Variants in AGBL4 observed in about 807,000 individuals in gnomAD.
AGBL4 encodes the protein AGBL carboxypeptidase 4.
In AGBL4, 58 loss-of-function variants were observed where a neutral mutation model predicts 66.4. The observed-to-expected ratio is 0.87, with a 90% CI of 0.71 to 1.09. The LOEUF (loss-of-function observed/expected upper bound fraction) is 1.09. Ranked by LOEUF, AGBL4 falls within the 50% of genes least tolerant of loss-of-function variation. AGBL4 has a pLI of 0.00. For synonymous variants in AGBL4, 234 were observed against 222.9 expected (o/e 1.05, Z -0.44); for missense variants, 579 against 631.0 (o/e 0.92, Z 0.88).
intron 3 of AGBL4, among the ~76,000 whole-genome samples, chr1:49,266,608 A>AACACAC (rs71307610): frequency 0.14 from 20,252 of 149,640 alleles, 1,716 homozygotes; most frequent in African/African-American, 0.24. Context: ...ATAAACCTGT[A>AACACAC]ACACACACAC....
intron 5 of AGBL4, among the ~76,000 whole-genome samples, chr1:48,978,061 G>A (rs1659480883): frequency 6.6e-6 from 1 of 152,138 alleles, no homozygotes; most frequent in South Asian, 2.1e-4. Context: ...GGAACCTTGT[G>A]TCTTACTCTT....
chr1:49,547,244 A>C (rs1652564247), intron 3 of AGBL4, among the ~76,000 whole-genome samples: 1 of 152,164 alleles, frequency 6.6e-6, no homozygotes, highest in Non-Finnish European at 1.5e-5. Context: ...TACCAGCACT[A>C]TTTGTTGAAA....
intron 2 of AGBL4, among the ~76,000 whole-genome samples, chr1:49,823,778 A>ATGTGTGTGTGTGTGTGTGTGTG (rs10528873): frequency 6.1e-5 from 9 of 147,478 alleles, no homozygotes; most frequent in African/African-American, 2.3e-4. Flanking sequence ...AGGCTGCATA[A>ATGTGTGTGTGTGTGTGTGTGTG]TGTGTGTGTG....
At chr1:48,944,567 T>C (rs190340126) in intron 5 of AGBL4, among the ~76,000 whole-genome samples, 66 of 152,112 alleles carry the variant, frequency 4.3e-4, no homozygotes, top group African/African-American at 1.4e-3. Context: ...ATCACTCAAG[T>C]AGCAACTAAT....
chr1:49,950,020 ATG>A (rs71059568), intron 1 of AGBL4, among the ~76,000 whole-genome samples: 100,957 of 138,088 alleles, frequency 0.73, 37,289 homozygotes, highest in Non-Finnish European at 0.76. Flanking sequence ...ACACACACAT[ATG>A]TGTGTGTGTG....
chr1:49,481,544 C>A (rs1646955695), intron 3 of AGBL4, among the ~76,000 whole-genome samples: 1 of 151,710 alleles, frequency 6.6e-6, no homozygotes, highest in Non-Finnish European at 1.5e-5. Context: ...ATGGAGTTTT[C>A]TAGATATAGG....
intron 11 of AGBL4, among the ~76,000 whole-genome samples, chr1:48,544,786 C>T (rs536737787): frequency 6.6e-6 from 1 of 152,268 alleles, no homozygotes; most frequent in African/African-American, 2.4e-5. Context: ...ACAGCTCCCC[C>T]AGCACTGTAC....
intron 3 of AGBL4, among the ~76,000 whole-genome samples, chr1:49,299,766 T>C (rs241501): frequency 2.6e-5 from 4 of 151,922 alleles, no homozygotes; most frequent in African/African-American, 9.7e-5. Flanking sequence ...ACCAATGTAA[T>C]CTAGAGGTTT....
intron 6 of AGBL4, among the ~76,000 whole-genome samples, chr1:48,734,357 A>G (rs79940056): frequency 0.012 from 1,794 of 152,042 alleles, 43 homozygotes; most frequent in African/African-American, 0.041. Flanking sequence ...TACACCCTAC[A>G]CTTGGGCATA....
At chr1:48,755,282 C>T (rs1308181173) in intron 6 of AGBL4, among the ~76,000 whole-genome samples, 1 of 152,174 alleles carries the variant, frequency 6.6e-6, no homozygotes, top group Non-Finnish European at 1.5e-5. Flanking sequence ...CTACCATCTA[C>T]CATTCGTAGG....
intron 1 of AGBL4, among the ~76,000 whole-genome samples, chr1:49,941,252 C>T (rs1487677887): frequency 6.6e-6 from 1 of 152,198 alleles, no homozygotes; most frequent in Non-Finnish European, 1.5e-5. Flanking sequence ...TTCTACCAAA[C>T]ATTTGCAGAA....
intron 5 of AGBL4, among the ~76,000 whole-genome samples, chr1:48,945,248 A>G (rs1656399049): frequency 6.6e-6 from 1 of 152,168 alleles, no homozygotes; most frequent in Admixed American, 6.6e-5. Context: ...TTTCCTTGCA[A>G]TGTCCTTGGA....
At chr1:48,734,389 G>A (rs1648673873) in intron 6 of AGBL4, among the ~76,000 whole-genome samples, 1 of 152,120 alleles carries the variant, frequency 6.6e-6, no homozygotes, top group Non-Finnish European at 1.5e-5. Flanking sequence ...CCACTGCTGT[G>A]CCCTTAGTCT....
intron 2 of AGBL4, among the ~76,000 whole-genome samples, chr1:49,701,714 T>A (rs572865189): frequency 6.6e-6 from 1 of 152,098 alleles, no homozygotes; most frequent in South Asian, 2.1e-4. Flanking sequence ...TTTGAAGTGA[T>A]CAACAAAAGT....
At chr1:48,618,187 A>G (rs1645350959) in intron 9 of AGBL4, among the ~76,000 whole-genome samples, 1 of 152,218 alleles carries the variant, frequency 6.6e-6, no homozygotes, top group South Asian at 2.1e-4. Context: ...CAGGCAAGAT[A>G]GTGGGACCTT....
At chr1:49,133,372 G>C (rs1158339070) in intron 4 of AGBL4, among the ~76,000 whole-genome samples, 2 of 152,090 alleles carry the variant, frequency 1.3e-5, no homozygotes, top group Admixed American at 6.6e-5. Flanking sequence ...TGCACATTCT[G>C]CACATGTATC....
chr1:48,525,695 A>G, the AGBL4 span, among the ~76,000 whole-genome samples: 1 of 152,176 alleles, frequency 6.6e-6, no homozygotes, highest in African/African-American at 2.4e-5. Context: ...GACTTACTTA[A>G]TGTCTAATAC....
Position 48,940,037 on chromosome 1 carries a change from C to A in AGBL4, c.595-72807G>T, listed in dbSNP as rs181279387. Among the ~76,000 whole-genome samples, 474 of 152,276 alleles carry A rather than the reference C, an allele frequency of 3.1e-3. 3 individuals are homozygous for A. Among genetic ancestry groups the A allele is most frequent in the African/African-American group, 0.01 (423 of 41,550 alleles). On this transcript the variant is annotated intron_variant, in intron 5 of 13. Coordinates refer to ENST00000371839, the MANE Select transcript of AGBL4 (RefSeq NM_032785.4). ...TGTCGATAGTGCTGAGGTTGCAAAA[C>A]CCTGTTCTAGTCCCTTTACAGTTTT...
chr1:49,214,466 C>T (rs1648916181), intron 4 of AGBL4, among the ~76,000 whole-genome samples: 1 of 152,086 alleles, frequency 6.6e-6, no homozygotes, highest in Non-Finnish European at 1.5e-5. Context: ...AGAGAGAATT[C>T]TGCCTCTCCA....
Sources: gnomAD v4.1 joint callset for allele counts (sites outside exome capture counted in the v4.1 genomes callset) on GRCh38, gnomAD v4.1.1 for gene constraint, MANE v1.5 for transcripts, NCBI Gene and HGNC (gene_info 2026-07-23, HGNC 2026-07-21) for gene names.